Variants in ARID4A observed in about 807,000 individuals in gnomAD.
ARID4A encodes AT-rich interactive domain-containing protein 4A.
A neutral mutation model predicts 148.6 loss-of-function variants in ARID4A; 39 were observed. The observed-to-expected ratio is 0.26, with a 90% CI of 0.20 to 0.34. The LOEUF (loss-of-function observed/expected upper bound fraction) is 0.34. Ranked by LOEUF, ARID4A falls within the 10% of genes least tolerant of loss-of-function variation. The pLI is 1.00. For synonymous variants in ARID4A, 475 were observed against 481.2 expected (o/e 0.99, Z 0.17); for missense variants, 1,265 against 1,449.1 (o/e 0.87, Z 2.06).
rs111469535 is a variant in ARID4A, at chr14:58,359,409, G to C, written c.1938+193G>C. Among the ~76,000 whole-genome samples, 1,236 of 152,184 alleles carry C rather than the reference G, an allele frequency of 8.1e-3. 24 individuals carry two copies. Among genetic ancestry groups the C allele is most frequent in the African/African-American group, 0.028 (1,149 of 41,486 alleles). On this transcript the variant is annotated intron_variant, in intron 18 of 23. Coordinates refer to ENST00000355431, the MANE Select transcript of ARID4A (RefSeq NM_002892.4). The stretch of plus-strand genomic sequence containing the variant: ...TTGTCAACATCCCCCACCAGAGTGG[G>C]ATGTTTGTTACAACTGATGTGCCTA...
Position 58,364,638 on chromosome 14 carries a change from T to C in ARID4A, c.2549T>C (p.Val850Ala), listed in dbSNP as rs1467651507. Reference protein sequence around the residue: ...SATEDEIDQCVKEKKLKRKIL... With the variant: ...SATEDEIDQCAKEKKLKRKIL... ...ACAGAAGATGAAATTGACCAATGTG[T>C]GAAAGAAAAGAAGTTGAAACGGAAA... Residue 850 changes from valine (V) to alanine (A), a missense_variant, in exon 20 of 24, where the codon GTG becomes GCG. Around this residue, in one of 9 missense-constraint regions of ARID4A, gnomAD observed 666 missense variants for 730.9 expected, o/e 0.91. Coordinates refer to ENST00000355431, the MANE Select transcript of ARID4A (RefSeq NM_002892.4). 5 of 1,613,422 alleles carry C rather than the reference T, an allele frequency of 3.1e-6. No individual in the cohort carries two copies. The African/African-American group carries it at 6.7e-5, about 22-fold the overall frequency.
intron 23 of ARID4A, among the ~76,000 whole-genome samples, chr14:58,370,940 C>G (rs1410049387): frequency 1.3e-5 from 2 of 152,060 alleles, no homozygotes; most frequent in Non-Finnish European, 2.9e-5. Flanking sequence ...TTTTTATTTG[C>G]TTATGTTTTT....
intron 1 of ARID4A, 135 bp from the exon 2 acceptor site, chr14:58,299,663 C>T (rs2030954395): frequency 8.7e-6 from 6 of 693,218 alleles, no homozygotes; most frequent in Non-Finnish European, 1.5e-5. Flanking sequence ...GTCCTGGCTG[C>T]CCTCGTAAGG....
chr14:58,344,396 A>G (rs946520797), intron 11 of ARID4A, among the ~76,000 whole-genome samples: 3 of 152,308 alleles, frequency 2.0e-5, no homozygotes, highest in African/African-American at 7.2e-5. Context: ...AAAAAAATAT[A>G]TCAGGTGAGG....
chr14:58,356,678 G>C (rs1329882565), intron 17 of ARID4A, among the ~76,000 whole-genome samples: 1 of 150,824 alleles, frequency 6.6e-6, no homozygotes, highest in African/African-American at 2.4e-5. Flanking sequence ...GCATTCAGAA[G>C]CCATGGAATT....
intron 11 of ARID4A, among the ~76,000 whole-genome samples, chr14:58,337,840 C>T (rs572826049): frequency 6.6e-6 from 1 of 152,296 alleles, no homozygotes; most frequent in African/African-American, 2.4e-5. Context: ...AAAACATAGG[C>T]GGTTCCTGAT....
In ARID4A at chr14:58,347,872, T is replaced by C; in HGVS notation, c.1398T>C (p.Ser466=). The change falls in exon 15 of 24, where the codon TCT becomes TCC. Residue 466 remains serine, a synonymous_variant. Transcript: ENST00000355431. ...AAAGAGAAGAGATAGAATTAAAATC[T>C]CCGAGGGTGAGTTCTTAATACTAGT... ...ESEREEIELK[S]PRGRRRIARD... The C allele has an allele frequency of 6.2e-7, 1 of 1,606,626 alleles. No individual in the cohort carries two copies. Among genetic ancestry groups the C allele is most frequent in the Non-Finnish European group, 8.5e-7 (1 of 1,175,908 alleles).
intron 1 of ARID4A, 29 bp downstream of exon 1, chr14:58,298,729 A>G (rs1337919936): frequency 1.3e-5 from 2 of 152,440 alleles, no homozygotes; most frequent in South Asian, 4.1e-4. Context: ...ATCCGGGGAT[A>G]CTGAATGGAC....
chr14:58,318,840 C>A (rs1180872767), intron 7 of ARID4A, 35 bp downstream of exon 7: 3 of 1,524,320 alleles, frequency 2.0e-6, no homozygotes, highest in Non-Finnish European at 2.7e-6. Context: ...ATTTTAATTA[C>A]AATTATTATA....
At position 58,372,677 on chromosome 14, in the gene ARID4A, T is replaced by G. The variant is rs2035661755; in HGVS notation, c.*688T>G. 1 of 188,630 alleles carries G rather than the reference T, an allele frequency of 5.3e-6. No homozygotes were observed. Among genetic ancestry groups the G allele is most frequent in the Non-Finnish European group, 1.1e-5 (1 of 89,412 alleles). The allele number at this position is 188,630 out of a possible 1,614,324, so 11.7% of individuals were successfully genotyped here. ...GTTTACAGTGGAATTGTGAATAAGTTTTCAGTGGACTATCTTATCCCTTGA... is the reference window on the plus strand; with the variant it reads ...GTTTACAGTGGAATTGTGAATAAGTGTTCAGTGGACTATCTTATCCCTTGA... On this transcript the variant is annotated 3_prime_UTR_variant, in exon 24 of 24. Coordinates refer to ENST00000355431, the MANE Select transcript of ARID4A (RefSeq NM_002892.4).
At chr14:58,365,708 C>A in intron 21 of ARID4A, 86 bp downstream of exon 21, 1 of 1,174,014 alleles carries the variant, frequency 8.5e-7, no homozygotes, top group Non-Finnish European at 1.2e-6. Flanking sequence ...TGGAGCAATA[C>A]TATATTGTTT....
chr14:58,305,951 T>A, intron 4 of ARID4A, 71 bp from the exon 5 acceptor site: 1 of 1,047,784 alleles, frequency 9.5e-7, no homozygotes, highest in Middle Eastern at 2.1e-4. Flanking sequence ...TTAGCTAGAT[T>A]ATATAGTTGG....
rs151271142 is a variant in ARID4A, at chr14:58,354,291, C to G, written c.1853+436C>G. Among the ~76,000 whole-genome samples the G allele has an allele frequency of 2.9e-4, 44 of 152,250 alleles. No homozygotes were observed. In the East Asian group the frequency reaches 6.6e-3, roughly 23 times the overall value. ...AGTGTTTGTTTCATTAATCAGAAAT[C>G]AAGCCTATGTCAAGCACTGTAATAA... On this transcript the variant is annotated intron_variant, in intron 17 of 23. Transcript: ENST00000355431.
Position 58,330,948 on chromosome 14 carries a change from G to C in ARID4A, c.906+779G>C, listed in dbSNP as rs187545097. Among the ~76,000 whole-genome samples the C allele has an allele frequency of 2.7e-3, 408 of 152,244 alleles. 3 individuals carry two copies. Among genetic ancestry groups the C allele is most frequent in the African/African-American group, 9.3e-3 (385 of 41,562 alleles). On this transcript the variant is annotated intron_variant, in intron 11 of 23. Transcript: ENST00000355431. ...ATTTTTGGTTGTTACGGGGTAAAAG[G>C]GTTTAGGGGCAAGACAAAGACAATG...
intron 3 of ARID4A, chr14:58,303,679 C>T: frequency 3.1e-6 from 1 of 323,416 alleles, no homozygotes; most frequent in South Asian, 2.4e-5. Context: ...TCCCTCCAGA[C>T]CAGCAGCATC....
chr14:58,353,525 T>C (rs993600592), intron 16 of ARID4A, 133 bp from the exon 17 acceptor site: 73 of 740,758 alleles, frequency 9.9e-5, no homozygotes, highest in Middle Eastern at 3.0e-4. Context: ...TTCTCCTCCT[T>C]CTTCTCCTCC....
chr14:58,299,084 TG>T (rs1334389548), intron 1 of ARID4A, among the ~76,000 whole-genome samples: 1 of 152,176 alleles, frequency 6.6e-6, no homozygotes, highest in East Asian at 1.9e-4. Flanking sequence ...GATACCTCTC[TG>T]GGCTGTACAA....
intron 5 of ARID4A, among the ~76,000 whole-genome samples, chr14:58,309,048 T>C (rs1284568565): frequency 6.6e-6 from 1 of 152,214 alleles, no homozygotes; most frequent in Non-Finnish European, 1.5e-5. Context: ...TGAAAGAGAT[T>C]ATGGATATAG....
chr14:58,317,719 T>C (rs1332992885), intron 5 of ARID4A, among the ~76,000 whole-genome samples: 1 of 141,160 alleles, frequency 7.1e-6, no homozygotes, highest in Non-Finnish European at 1.5e-5. Context: ...TGAGCCTTGG[T>C]TTTTCGCGGC....
Sources: allele counts gnomAD v4.1 joint callset (sites outside exome capture counted in the v4.1 genomes callset), GRCh38; gene constraint gnomAD v4.1.1; regional missense constraint gnomAD v4.1.1; transcripts MANE v1.5; gene names NCBI Gene and HGNC (gene_info 2026-07-23, HGNC 2026-07-21).